The following KCNQ1 variants were observed in gnomAD, a reference collection of about 807,000 sequenced individuals.
The protein encoded by KCNQ1 is potassium voltage-gated channel subfamily Q member 1.
A neutral mutation model predicts 72.4 loss-of-function variants in KCNQ1; 49 were observed. The observed-to-expected ratio is 0.68, with a 90% CI of 0.54 to 0.86. KCNQ1 has a LOEUF of 0.86. Ranked by LOEUF, KCNQ1 falls within the 40% of genes least tolerant of loss-of-function variation. The pLI is 0.00. For missense variants in KCNQ1, 790 were observed against 945.1 expected (o/e 0.84, Z 2.15); for synonymous variants, 450 against 412.6 (o/e 1.09, Z -1.10).
rs1404704636 is a variant in KCNQ1 at position 2,767,101 on chromosome 11, G to A, written c.1515-1743G>A. 6.6e-6 allele frequency among the ~76,000 whole-genome samples: 1 copy of A among 152,246 alleles called. No homozygotes were observed. The highest frequency in any genetic ancestry group is 1.5e-5 in the Non-Finnish European group (1 of 68,058). ...AAAAATCACTTGAACCCGGGAGGCG[G>A]AGGCTGCAGTGAGCCGAGGTTGTGC... On this transcript the variant is annotated intron_variant, in intron 11 of 15. Transcript: ENST00000155840. The surrounding 1 kb of genome is among the most constrained non-coding windows in gnomAD (Gnocchi z 4.6).
intron 6 of KCNQ1, among the ~76,000 whole-genome samples, chr11:2,577,077 G>A (rs1161275146): frequency 6.6e-6 from 1 of 152,210 alleles, no homozygotes; most frequent in Non-Finnish European, 1.5e-5. Flanking sequence ...AATCCCAGAG[G>A]CTGCAACCGA....
chr11:2,662,501 G>A (rs752037834), intron 11 of KCNQ1: 1 of 443,762 alleles, frequency 2.3e-6, no homozygotes, highest in East Asian at 3.3e-5. Flanking sequence ...CTGTCCTCAG[G>A]GGCTCCTTCA....
At position 2,776,990 on chromosome 11, in the gene KCNQ1, G is replaced by C. The variant is rs764389392; in HGVS notation, c.1690G>C (p.Asp564His). The C allele has an allele frequency of 6.2e-7, 1 of 1,614,032 alleles. No homozygotes were observed. The highest frequency in any genetic ancestry group is 8.5e-7 in the Non-Finnish European group (1 of 1,180,012). ...TGTCTGTGTCCTTCTCTCCAGGCTG[G>C]ACCAGTCCATTGGGAAGCCCTCACT... ...VRIKELQRRLDQSIGKPSLFI... is the reference protein window; with the variant it reads ...VRIKELQRRLHQSIGKPSLFI... The change falls in exon 14 of 16, where the codon GAC (aspartate) becomes CAC (histidine). Residue 564 changes from aspartate to histidine, a missense_variant. Physicochemically the swap from Asp to His is moderately conservative, Grantham distance 81. This residue lies in a region of KCNQ1 where 91 missense variants were observed against 139.1 expected (regional missense o/e 0.65). Transcript: ENST00000155840.
rs1474028659 is a variant in KCNQ1, at chr11:2,462,377, G to A, written c.386+16893G>A. Among the ~76,000 whole-genome samples the A allele has an allele frequency of 3.4e-4, 52 of 152,176 alleles. 1 individual carries two copies. Among genetic ancestry groups the A allele is most frequent in the Non-Finnish European group, 1.5e-5 (1 of 68,026 alleles). ...TTCTGACTTGCCTCCTCTCTCTGAC[G>A]GGCCTGCTCCTGAGCTTGACACCTG... On this transcript the variant is annotated intron_variant, in intron 1 of 15. Coordinates refer to ENST00000155840, the MANE Select transcript of KCNQ1 (RefSeq NM_000218.3). This position sits in a 1 kb window ranked among gnomAD's most constrained non-coding sequence, Gnocchi z 8.2.
intron 1 of KCNQ1, among the ~76,000 whole-genome samples, chr11:2,514,936 C>T (rs889415296): frequency 4.6e-5 from 7 of 152,238 alleles, no homozygotes; most frequent in African/African-American, 1.4e-4. Context: ...AGCTCCAGGG[C>T]ACCTGAGGCC....
intron 10 of KCNQ1, chr11:2,615,335 T>C (rs1249646321): frequency 2.5e-6 from 1 of 397,966 alleles, no homozygotes; most frequent in Non-Finnish European, 4.4e-6. Flanking sequence ...GATGTCATTA[T>C]TGAATAAAGA....
rs914260115 is a variant in KCNQ1 at position 2,716,000 on chromosome 11, C to A, written c.1515-52844C>A. ...GGCTGGCCTCTTGGTGAGGAATGGC[C>A]CTGGGAGAGGCTGCCCTGCCTTTGA... On this transcript the variant is annotated intron_variant, in intron 11 of 15. Transcript: ENST00000155840. This position sits in a 1 kb window ranked among gnomAD's most constrained non-coding sequence, Gnocchi z 4.9. Among the ~76,000 whole-genome samples the A allele has an allele frequency of 2.0e-5, 3 of 152,146 alleles. No individual in the cohort carries two copies. Among genetic ancestry groups the A allele is most frequent in the African/African-American group, 7.2e-5 (3 of 41,438 alleles).
At chr11:2,625,450 T>C in intron 10 of KCNQ1, 1 of 398,556 alleles carries the variant, frequency 2.5e-6, no homozygotes, top group East Asian at 3.6e-5. Flanking sequence ...ATAGTAGTCA[T>C]CTGAGTGTAT....
Position 2,668,956 on chromosome 11 carries a change from G to T in KCNQ1, c.1514+6875G>T, listed in dbSNP as rs1850132657. ...CCCATGTAGATCTGCACTCCATCTG[G>T]GATTGATTTTTGTGTCCAATGTGAG... On this transcript the variant is annotated intron_variant, in intron 11 of 15. Coordinates refer to ENST00000155840, the MANE Select transcript of KCNQ1 (RefSeq NM_000218.3). The surrounding 1 kb of genome is among the most constrained non-coding windows in gnomAD (Gnocchi z 4.3). The T allele has an allele frequency of 7.5e-6, 3 of 397,582 alleles. No individual in the cohort carries two copies. Among genetic ancestry groups the T allele is most frequent in the Non-Finnish European group, 1.3e-5 (3 of 225,796 alleles). The allele number at this position is 397,582 out of a possible 1,614,324, so 24.6% of individuals were successfully genotyped here.
At position 2,536,339 on chromosome 11, in the gene KCNQ1, C is replaced by T. The variant is rs1589936613; in HGVS notation, c.477+8321C>T. Among the ~76,000 whole-genome samples, 1 of 152,052 alleles carries T rather than the reference C, an allele frequency of 6.6e-6. No homozygotes were observed. ...GCCTGCGGCTCTTACAGGAGTCTCT[C>T]GTGCACCATTGCTCAACCCCCGAGA... On this transcript the variant is annotated intron_variant, in intron 2 of 15. Coordinates refer to ENST00000155840, the MANE Select transcript of KCNQ1 (RefSeq NM_000218.3). The surrounding 1 kb of genome is among the most constrained non-coding windows in gnomAD (Gnocchi z 7.4).
intron 1 of KCNQ1, among the ~76,000 whole-genome samples, chr11:2,522,064 G>A (rs567954854): frequency 6.6e-6 from 1 of 152,362 alleles, no homozygotes; most frequent in Non-Finnish European, 1.5e-5. Context: ...CTGAGATGTT[G>A]AAATGATGTC....
intron 11 of KCNQ1, among the ~76,000 whole-genome samples, chr11:2,728,283 C>T (rs1054480962): frequency 1.9e-4 from 29 of 152,206 alleles, no homozygotes; most frequent in African/African-American, 5.5e-4. Flanking sequence ...AGGGTAAGTC[C>T]GACCCCAGGT....
rs2133929244 is a variant in KCNQ1 at position 2,720,604 on chromosome 11, A to G, written c.1515-48240A>G. On this transcript the variant is annotated intron_variant, in intron 11 of 15. Transcript: ENST00000155840. This position sits in a 1 kb window ranked among gnomAD's most constrained non-coding sequence, Gnocchi z 5.1. ...CTGTGGGTCCTTCTCTGAGTGTCCT[A>G]TGTTGGGGGTGTCAGCCTGGGTGTC... 6.6e-6 allele frequency among the ~76,000 whole-genome samples: 1 copy of G among 152,186 alleles called. No individual in the cohort carries two copies. Among genetic ancestry groups the G allele is most frequent in the Middle Eastern group, 3.4e-3 (1 of 294 alleles).
In KCNQ1 at chr11:2,624,328, G is replaced by C; in HGVS notation, c.1393+35474G>C. On this transcript the variant is annotated intron_variant, in intron 10 of 15. Coordinates refer to ENST00000155840, the MANE Select transcript of KCNQ1 (RefSeq NM_000218.3). This position sits in a 1 kb window ranked among gnomAD's most constrained non-coding sequence, Gnocchi z 4.9. ...TATATTTTGGATGAGTCCTTTATCA[G>C]GTATATCTTTTACAAGTATTGTCTC... 2.5e-6 allele frequency: 1 copy of C among 398,498 alleles called. No individual in the cohort carries two copies. 24.7% of individuals were successfully genotyped at this position (398,498 alleles called of 1,614,324 possible). A position where few individuals can be genotyped will look rare whatever the true frequency, so the allele number is the denominator to read the frequency against.
rs1280148884 is a variant in KCNQ1 at position 2,566,782 on chromosome 11, T to A, written c.478-3846T>A. Among the ~76,000 whole-genome samples the A allele has an allele frequency of 1.3e-5, 2 of 152,196 alleles. No individual in the cohort carries two copies. The highest frequency in any genetic ancestry group is 4.1e-4 in the South Asian group (2 of 4,826). ...CCCCGGGGGGCTTGCAGGCACCACA[T>A]AGATCTTGTGAGAGGCGCTTTGTGG... On this transcript the variant is annotated intron_variant, in intron 2 of 15. Coordinates refer to ENST00000155840, the MANE Select transcript of KCNQ1 (RefSeq NM_000218.3). The surrounding 1 kb of genome is among the most constrained non-coding windows in gnomAD (Gnocchi z 6.7).
intron 6 of KCNQ1, among the ~76,000 whole-genome samples, chr11:2,574,284 C>T (rs1848386470): frequency 6.6e-6 from 1 of 152,188 alleles, no homozygotes; most frequent in African/African-American, 2.4e-5. Flanking sequence ...GACAGGGTGA[C>T]CCCTACTCTG....
rs1849787567 is a variant in KCNQ1, at chr11:2,653,381, G to A, written c.1394-8580G>A. The stretch of plus-strand genomic sequence containing the variant: ...CCCCAACTTTGTCATGCACATTCCT[G>A]AAGACTCTCTTGGTAACAAATGATG... On this transcript the variant is annotated intron_variant, in intron 10 of 15. Coordinates refer to ENST00000155840, the MANE Select transcript of KCNQ1 (RefSeq NM_000218.3). This position sits in a 1 kb window ranked among gnomAD's most constrained non-coding sequence, Gnocchi z 5.3. The A allele has an allele frequency of 2.5e-6, 1 of 398,726 alleles. No homozygotes were observed. The highest frequency in any genetic ancestry group is 3.6e-5 in the East Asian group (1 of 28,086). 24.7% of individuals were successfully genotyped at this position (398,726 alleles called of 1,614,324 possible).
chr11:2,448,306 C>G (rs751332034), intron 1 of KCNQ1, among the ~76,000 whole-genome samples: 1 of 152,230 alleles, frequency 6.6e-6, no homozygotes, highest in East Asian at 1.9e-4. Flanking sequence ...GCTCAGCAGC[C>G]CCTGTTCCCC....
intron 11 of KCNQ1, among the ~76,000 whole-genome samples, chr11:2,716,039 G>A (rs1029383388): frequency 6.6e-6 from 1 of 152,198 alleles, no homozygotes; most frequent in Non-Finnish European, 1.5e-5. Context: ...CTCATGCACT[G>A]AGAGTAATGG....
Sources: gnomAD v4.1 joint callset for allele counts (sites outside exome capture counted in the v4.1 genomes callset) on GRCh38, gnomAD v4.1.1 for gene constraint, gnomAD v4.1.1 regional missense constraint, Gnocchi (gnomAD v3.1) non-coding constraint, MANE v1.5 for transcripts, NCBI Gene and HGNC (gene_info 2026-07-23, HGNC 2026-07-21) for gene names.